The following MKLN1 variants were observed in gnomAD, a reference collection of about 807,000 sequenced individuals.
The protein encoded by MKLN1 is muskelin 1, also known as muskelin.
A neutral mutation model predicts 99.0 loss-of-function variants in MKLN1; 18 were observed. The ratio of observed to expected loss-of-function variants is 0.18; its 90% CI spans 0.13 to 0.27. The LOEUF (loss-of-function observed/expected upper bound fraction) is 0.27. Among genes scored for constraint, MKLN1 ranks in the 10% least tolerant of loss-of-function variants. The pLI is 1.00. For missense variants in MKLN1, 621 were observed against 875.9 expected, an observed-to-expected ratio of 0.71 and a Z score of 3.67; for synonymous variants, 288 against 293.2, an observed-to-expected ratio of 0.98 and a Z score of 0.18.
chr7:131,468,113 A>G (rs1395908410), intron 15 of MKLN1, among the ~76,000 whole-genome samples: 1 of 152,224 alleles, frequency 6.6e-6, no homozygotes, highest in Non-Finnish European at 1.5e-5. Context: ...TCAAGAAGGC[A>G]TCTTAACATT....
rs34940160 is a variant in MKLN1, at chr7:131,172,315, ATT to A, written c.-297+29385_-297+29386del. Among the ~76,000 whole-genome samples the A allele has an allele frequency of 6.4e-5, 9 of 140,610 alleles. No individual in the cohort carries two copies. In the East Asian group the frequency reaches 1.2e-3, roughly 19 times the overall value. 92.2% of individuals were successfully genotyped at this position (140,610 alleles called of 152,430 possible). A position where few individuals can be genotyped will look rare whatever the true frequency, so the allele number is the denominator to read the frequency against. ...GCCACAACACCAGGCTAATTTTTGT[ATT>A]TTTTTTTTTTCTTTTTGAGATGGAG... On this transcript the variant is annotated intron_variant, in intron 2 of 7. Coordinates refer to the MKLN1 transcript ENST00000416992.
At chr7:131,430,618 T>C (rs1485191250) in intron 9 of MKLN1, among the ~76,000 whole-genome samples, 1 of 152,224 alleles carries the variant, frequency 6.6e-6, no homozygotes, top group Non-Finnish European at 1.5e-5. Context: ...GTTCTCCAAG[T>C]GCCTGGCATG....
At chr7:131,223,925 C>T (rs1364582136) in intron 3 of MKLN1, among the ~76,000 whole-genome samples, 1 of 152,018 alleles carries the variant, frequency 6.6e-6, no homozygotes, top group Non-Finnish European at 1.5e-5. Flanking sequence ...CACCACCACA[C>T]CTGACTAATT....
intron 3 of MKLN1, among the ~76,000 whole-genome samples, chr7:131,225,567 AG>A (rs1280234712): frequency 7.2e-5 from 11 of 152,142 alleles, no homozygotes; most frequent in Admixed American, 7.2e-4. Flanking sequence ...TTCACTTTGG[AG>A]CAACAGATCT....
chr7:131,291,106 TTTATTTA>T (rs1264860096), intron 3 of MKLN1, among the ~76,000 whole-genome samples: 24 of 68,020 alleles, frequency 3.5e-4, no homozygotes, highest in Admixed American at 8.5e-4. Context: ...TTTTATTTTA[TTTATTTA>T]TTTATTTATT....
In MKLN1 at chr7:131,224,168, T is replaced by C. The variant is rs528925816; in HGVS notation, c.-179+21194T>C. Among the ~76,000 whole-genome samples, 37 of 152,262 alleles carry C rather than the reference T, an allele frequency of 2.4e-4. No individual in the cohort carries two copies. The South Asian group carries it at 3.3e-3, about 14-fold the overall frequency. ...GTAATCCCAGCACTTTGGGAAGCTA[T>C]TGGGGACAATCAATCGCTTGAGGCC... On this transcript the variant is annotated intron_variant, in intron 3 of 7. Transcript: ENST00000416992.
rs551726948 is a variant in MKLN1 at position 131,460,632 on chromosome 7, C to T, written c.1526-2585C>T. Among the ~76,000 whole-genome samples the T allele has an allele frequency of 3.9e-5, 6 of 152,238 alleles. No individual in the cohort carries two copies. The East Asian group carries it at 7.7e-4, about 20-fold the overall frequency. On this transcript the variant is annotated intron_variant, in intron 12 of 17. Coordinates refer to ENST00000352689, the MANE Select transcript of MKLN1 (RefSeq NM_013255.5). ...ACAATCTACTTCTTCTCTTTGTATC[C>T]GATGACTTATTTGGAAGTTTTTCAT...
At chr7:131,395,869 T>G (rs1017441520) in intron 4 of MKLN1, among the ~76,000 whole-genome samples, 1 of 151,960 alleles carries the variant, frequency 6.6e-6, no homozygotes, top group Non-Finnish European at 1.5e-5. Flanking sequence ...GTTCTTTCAT[T>G]TATTCAATTA....
intron 3 of MKLN1, among the ~76,000 whole-genome samples, chr7:131,232,296 T>A (rs2116476914): frequency 6.6e-6 from 1 of 152,328 alleles, no homozygotes; most frequent in East Asian, 1.9e-4. Context: ...CCCAGTGATG[T>A]TATTAAGTTT....
Position 131,349,217 on chromosome 7 carries a change from A to G in MKLN1, c.98+21220A>G, listed in dbSNP as rs1344086927. On this transcript the variant is annotated intron_variant, in intron 1 of 17. Transcript: ENST00000352689. The stretch of plus-strand genomic sequence containing the variant: ...TAAATCTATCTTTTTTTTTTTTGAG[A>G]CAGAGTCTTGCTCTGTTGCCCAGGC... Among the ~76,000 whole-genome samples the G allele has an allele frequency of 2.0e-5, 3 of 148,422 alleles. No individual in the cohort carries two copies. The East Asian group carries it at 5.9e-4, about 29-fold the overall frequency.
At chr7:131,217,360 A>G (rs1006795473) in intron 3 of MKLN1, among the ~76,000 whole-genome samples, 5 of 152,252 alleles carry the variant, frequency 3.3e-5, no homozygotes, top group Non-Finnish European at 7.3e-5. Context: ...CTGTGCAACT[A>G]AAAATCCAGT....
intron 12 of MKLN1, among the ~76,000 whole-genome samples, chr7:131,447,660 G>T (rs1796053617): frequency 6.6e-6 from 1 of 152,224 alleles, no homozygotes; most frequent in Non-Finnish European, 1.5e-5. Flanking sequence ...ATGGCATGCT[G>T]ACTCAGTGCT....
intron 3 of MKLN1, among the ~76,000 whole-genome samples, chr7:131,302,917 G>A (rs890552544): frequency 5.3e-5 from 8 of 152,154 alleles, no homozygotes; most frequent in African/African-American, 1.9e-4. Flanking sequence ...GTCGCTGAGA[G>A]GCCAGGTCTA....
intron 1 of MKLN1, among the ~76,000 whole-genome samples, chr7:131,125,211 C>T (rs1263257718): frequency 6.6e-6 from 1 of 152,232 alleles, no homozygotes; most frequent in Non-Finnish European, 1.5e-5. Context: ...TATCTACTGA[C>T]AGTCTCATTC....
intron 2 of MKLN1, among the ~76,000 whole-genome samples, chr7:131,380,158 G>T (rs1231816728): frequency 6.6e-6 from 1 of 152,036 alleles, no homozygotes; most frequent in African/African-American, 2.4e-5. Flanking sequence ...ATATCATCCC[G>T]GTACTTGAAA....
At chr7:131,231,995 C>G (rs1035428163) in intron 3 of MKLN1, among the ~76,000 whole-genome samples, 2 of 152,072 alleles carry the variant, frequency 1.3e-5, no homozygotes, top group Admixed American at 1.3e-4. Flanking sequence ...ATATTTAGTT[C>G]AGCGAACATG....
intron 5 of MKLN1, among the ~76,000 whole-genome samples, chr7:131,398,478 G>A (rs1305114366): frequency 6.6e-6 from 1 of 152,100 alleles, no homozygotes; most frequent in East Asian, 1.9e-4. Flanking sequence ...CAGATTGCCT[G>A]AGGTCAGGAG....
At chr7:131,281,215 T>C (rs1367028436) in intron 3 of MKLN1, among the ~76,000 whole-genome samples, 2 of 152,142 alleles carry the variant, frequency 1.3e-5, no homozygotes, top group African/African-American at 4.8e-5. Flanking sequence ...TATTCTTTTT[T>C]TTTTTTGTAT....
intron 2 of MKLN1, among the ~76,000 whole-genome samples, chr7:131,190,756 G>A (rs1796524442): frequency 6.6e-6 from 1 of 152,100 alleles, no homozygotes; most frequent in Admixed American, 6.6e-5. Context: ...CCACTGGTTG[G>A]GAATTCATCC....
Sources: allele counts gnomAD v4.1 joint callset (sites outside exome capture counted in the v4.1 genomes callset), GRCh38; gene constraint gnomAD v4.1.1; transcripts MANE v1.5; gene names NCBI Gene and HGNC (gene_info 2026-07-23, HGNC 2026-07-21).